ANKS1A: variants seen among roughly 807,000 people sequenced by gnomAD.
ANKS1A encodes the protein ankyrin repeat and SAM domain-containing protein 1A.
In ANKS1A, 55 loss-of-function variants were observed where a neutral mutation model predicts 120.3. The ratio of observed to expected loss-of-function variants is 0.46; its 90% CI spans 0.37 to 0.57. ANKS1A has a LOEUF of 0.57. ANKS1A is among the 20% of genes least tolerant of loss of function. The probability of loss-of-function intolerance (pLI) is 0.00; values close to 1 mark genes in which losing one functional copy is unlikely to be tolerated. For synonymous variants in ANKS1A, 590 were observed against 604.7 expected, an observed-to-expected ratio of 0.98 and a Z score of 0.36; for missense variants, 1,123 against 1,480.3, an observed-to-expected ratio of 0.76 and a Z score of 3.96.
chr6:34,891,464 C>T (rs1325846773), intron 1 of ANKS1A, among the ~76,000 whole-genome samples: 1 of 152,170 alleles, frequency 6.6e-6, no homozygotes, highest in Non-Finnish European at 1.5e-5. Flanking sequence ...CTCTGCAGTT[C>T]TGATGTCTGA....
chr6:35,052,648 A>C (rs1232570543), intron 11 of ANKS1A, among the ~76,000 whole-genome samples: 1 of 151,682 alleles, frequency 6.6e-6, no homozygotes, highest in Non-Finnish European at 1.5e-5. Context: ...ATAAAAATAA[A>C]AATAAATGGA....
chr6:34,908,182 G>A lies in ANKS1A; in HGVS notation c.197+18583G>A, dbSNP rs1767732179. ...GTTTGGAGGAAGAGGCTATGGTAAT[G>A]GAGTAGGGTGGTCTGGAGACCCCTC... is the stretch of plus-strand genomic sequence containing the variant. On this transcript the variant is annotated intron_variant, in intron 1 of 23. Coordinates refer to ENST00000360359, the MANE Select transcript of ANKS1A (RefSeq NM_015245.3). Among the ~76,000 whole-genome samples the A allele has an allele frequency of 2.0e-5, 3 of 152,176 alleles. No homozygotes were observed. In the South Asian group the frequency reaches 6.2e-4, roughly 32 times the overall value.
chr6:34,889,871 G>C lies in ANKS1A; in HGVS notation c.197+272G>C, dbSNP rs1766713222. 2.6e-5 allele frequency among the ~76,000 whole-genome samples: 4 copies of C among 152,146 alleles called. No homozygotes were observed. The highest frequency in any genetic ancestry group is 5.9e-5 in the Non-Finnish European group (4 of 68,014). ...CAGCCTCCGCCGCATGGCACAGCCA[G>C]GGTTCACTCTCGCTCGCTACAGGGT... On this transcript the variant is annotated intron_variant, in intron 1 of 23. Transcript: ENST00000360359. The surrounding 1 kb of genome is among the most constrained non-coding windows in gnomAD (Gnocchi z 5.5).
At chr6:34,945,415 G>A (rs1419671458) in intron 1 of ANKS1A, among the ~76,000 whole-genome samples, 2 of 152,110 alleles carry the variant, frequency 1.3e-5, no homozygotes, top group African/African-American at 4.8e-5. Context: ...AAAGGTATAA[G>A]GTCTGTGTCT....
intron 1 of ANKS1A, among the ~76,000 whole-genome samples, chr6:34,929,376 T>C (rs1189471830): frequency 2.0e-5 from 3 of 152,210 alleles, no homozygotes; most frequent in Non-Finnish European, 4.4e-5. Context: ...CCATGTTTGA[T>C]TTCCCTGTTT....
At chr6:34,999,950 CAGAG>C (rs778801795) in intron 10 of ANKS1A, among the ~76,000 whole-genome samples, 10 of 151,222 alleles carry the variant, frequency 6.6e-5, no homozygotes, top group Non-Finnish European at 1.2e-4. Context: ...AAAGGAAAGT[CAGAG>C]AGAGAGAGAC....
intron 11 of ANKS1A, among the ~76,000 whole-genome samples, chr6:35,027,281 G>A (rs1460684740): frequency 6.6e-6 from 1 of 152,174 alleles, no homozygotes; most frequent in Non-Finnish European, 1.5e-5. Flanking sequence ...TCCTAAAAGA[G>A]CACTCACCAC....
At chr6:35,026,504 C>G (rs1303562095) in intron 11 of ANKS1A, among the ~76,000 whole-genome samples, 1 of 87,536 alleles carries the variant, frequency 1.1e-5, no homozygotes, top group African/African-American at 2.8e-5. Flanking sequence ...AGGTAAAAAT[C>G]GTAGTATGTA....
At chr6:34,969,284 C>T (rs143896361) in intron 2 of ANKS1A, among the ~76,000 whole-genome samples, 4,168 of 152,188 alleles carry the variant, frequency 0.027, 108 homozygotes, top group Non-Finnish European at 0.039. Context: ...GAGAGAGTCT[C>T]GCTCTGTCAC....
At chr6:34,894,995 A>G (rs1767001884) in intron 1 of ANKS1A, among the ~76,000 whole-genome samples, 1 of 152,134 alleles carries the variant, frequency 6.6e-6, no homozygotes, top group Admixed American at 6.5e-5. Context: ...TGGGGGAATA[A>G]AAGAAAAAGA....
chr6:34,937,054 A>C (rs984597563), intron 1 of ANKS1A, among the ~76,000 whole-genome samples: 6 of 152,164 alleles, frequency 3.9e-5, no homozygotes, highest in Admixed American at 1.3e-4. Flanking sequence ...TACATATTAC[A>C]TCCTTTTTAC....
chr6:34,996,024 T>G (rs1772834612), intron 10 of ANKS1A, among the ~76,000 whole-genome samples: 2 of 152,220 alleles, frequency 1.3e-5, no homozygotes, highest in Non-Finnish European at 2.9e-5. Context: ...TCCAGAGTGA[T>G]TATACCATTT....
intron 11 of ANKS1A, among the ~76,000 whole-genome samples, chr6:35,025,286 G>C (rs1251952504): frequency 6.6e-6 from 1 of 150,570 alleles, no homozygotes; most frequent in East Asian, 2.0e-4. Context: ...ATATGTATGC[G>C]ATGTGTGTGT....
rs1777557521 is a variant in ANKS1A, at chr6:35,079,649, G to A, written c.2417G>A (p.Trp806Ter). 1 of 1,614,052 alleles carries A rather than the reference G, an allele frequency of 6.2e-7. No homozygotes were observed. Among genetic ancestry groups the A allele is most frequent in the African/African-American group, 1.3e-5 (1 of 74,934 alleles). Residue 806 changes from tryptophan to a stop codon, truncating the protein, a stop_gained, in exon 15 of 24, where the codon TGG (tryptophan) becomes TAG (stop). Transcript: ENST00000360359. LOFTEE classifies it high-confidence loss of function. Reference sequence around the variant, plus strand: ...TCCATTGACACCGTGAAGAACCTCTGGGAGCTAGAGCTCGTCAATGTGAGT... The same window carrying A: ...TCCATTGACACCGTGAAGAACCTCTAGGAGCTAGAGCTCGTCAATGTGAGT... ...YSSIDTVKNL[W>*]ELELVNVLKV...
chr6:34,901,650 A>G (rs575386333), intron 1 of ANKS1A, among the ~76,000 whole-genome samples: 2 of 152,218 alleles, frequency 1.3e-5, no homozygotes, highest in South Asian at 4.1e-4. Context: ...AGCTGGGACT[A>G]CAGGCTCATG....
At chr6:34,933,727 G>A (rs1415557779) in intron 1 of ANKS1A, among the ~76,000 whole-genome samples, 1 of 152,212 alleles carries the variant, frequency 6.6e-6, no homozygotes, top group Non-Finnish European at 1.5e-5. Context: ...GACTTCCTTG[G>A]ATAGCATACC....
chr6:35,080,918 A>G (rs1777635270), intron 16 of ANKS1A, 76 bp from the exon 17 acceptor site: 1 of 1,544,954 alleles, frequency 6.5e-7, no homozygotes, highest in African/African-American at 1.4e-5. Flanking sequence ...CGTCCTAACC[A>G]GTGGGGCTGG....
At chr6:34,981,536 T>G (rs1180243124) in intron 3 of ANKS1A, among the ~76,000 whole-genome samples, 154 bp from the exon 4 acceptor site, 1 of 152,172 alleles carries the variant, frequency 6.6e-6, no homozygotes, top group East Asian at 1.9e-4. Context: ...GGCTTGTTTG[T>G]GGGGGAGTAT....
At chr6:34,976,724 T>C (rs936322896) in intron 3 of ANKS1A, among the ~76,000 whole-genome samples, 2 of 152,096 alleles carry the variant, frequency 1.3e-5, no homozygotes, top group African/African-American at 4.8e-5. Context: ...CTCTTCTTGA[T>C]ACTACAGTGT....
Sources: gnomAD v4.1 joint callset for allele counts (sites outside exome capture counted in the v4.1 genomes callset) on GRCh38, gnomAD v4.1.1 for gene constraint, Gnocchi (gnomAD v3.1) non-coding constraint, MANE v1.5 for transcripts, NCBI Gene and HGNC (gene_info 2026-07-23, HGNC 2026-07-21) for gene names.